The following TAF3 variants were observed in gnomAD, a reference collection of about 807,000 sequenced individuals.
TAF3 encodes TATA-box binding protein associated factor 3, also known as transcription initiation factor TFIID subunit 3.
TAF3 carries 7 observed loss-of-function variants against 80.6 expected under a neutral mutation model. That is an observed-to-expected ratio of 0.09 (90% CI 0.05 to 0.16). TAF3 has a LOEUF of 0.16. Ranked by LOEUF, TAF3 falls within the 10% of genes least tolerant of loss-of-function variation. TAF3 has a pLI of 1.00. For synonymous variants in TAF3, 444 were observed against 446.1 expected, an observed-to-expected ratio of 1.00 and a Z score of 0.06; for missense variants, 921 against 1,140.2, an observed-to-expected ratio of 0.81 and a Z score of 2.77.
intron 4 of TAF3, among the ~76,000 whole-genome samples, chr10:7,987,667 A>C (rs1831791706): frequency 6.6e-6 from 1 of 152,236 alleles, no homozygotes; most frequent in Non-Finnish European, 1.5e-5. Flanking sequence ...ATGAGGATGA[A>C]ATGACCCTAT....
intron 2 of TAF3, among the ~76,000 whole-genome samples, chr10:7,864,591 C>T (rs1156945358): frequency 1.4e-5 from 2 of 145,216 alleles, no homozygotes; most frequent in Admixed American, 6.8e-5. Context: ...TGTGTAGACT[C>T]GTGTTTTCAT....
intron 2 of TAF3, among the ~76,000 whole-genome samples, chr10:7,920,769 A>G (rs1351011312): frequency 5.3e-5 from 8 of 152,368 alleles, no homozygotes; most frequent in Non-Finnish European, 1.2e-4. Flanking sequence ...TTCTTGAAAT[A>G]AAGCTTATCT....
At chr10:7,856,813 G>C (rs989450495) in intron 2 of TAF3, among the ~76,000 whole-genome samples, 5 of 147,238 alleles carry the variant, frequency 3.4e-5, no homozygotes, top group African/African-American at 1.3e-4. Context: ...ACTTAAAGAC[G>C]GTCCCACTCA....
intron 2 of TAF3, among the ~76,000 whole-genome samples, chr10:7,844,467 C>G (rs1017084244): frequency 2.6e-5 from 4 of 151,362 alleles, no homozygotes; most frequent in Non-Finnish European, 4.4e-5. Flanking sequence ...ACCTCCGCCT[C>G]CTGGGTTCAA....
At chr10:7,951,269 A>G (rs1838079037) in intron 2 of TAF3, among the ~76,000 whole-genome samples, 1 of 152,262 alleles carries the variant, frequency 6.6e-6, no homozygotes, top group Non-Finnish European at 1.5e-5. Context: ...AGCTTAAAAC[A>G]GCAACCGTTT....
At chr10:8,010,169 C>A (rs767672441) in intron 5 of TAF3, among the ~76,000 whole-genome samples, 1 of 152,176 alleles carries the variant, frequency 6.6e-6, no homozygotes, top group Non-Finnish European at 1.5e-5. Context: ...TGCCTCCCAA[C>A]GTGCTGAGAT....
intron 2 of TAF3, among the ~76,000 whole-genome samples, chr10:7,911,526 G>C (rs950439802): frequency 6.6e-6 from 1 of 152,156 alleles, no homozygotes; most frequent in Non-Finnish European, 1.5e-5. Context: ...ACCTCGTGTC[G>C]TATTATTCTG....
intron 2 of TAF3, among the ~76,000 whole-genome samples, chr10:7,895,141 A>C (rs1440013655): frequency 1.3e-5 from 2 of 152,236 alleles, no homozygotes; most frequent in Non-Finnish European, 2.9e-5. Context: ...CTGGGATTAC[A>C]GTCTGCCTCT....
At chr10:7,946,099 G>A (rs1838021662) in intron 2 of TAF3, among the ~76,000 whole-genome samples, 1 of 152,130 alleles carries the variant, frequency 6.6e-6, no homozygotes. Flanking sequence ...TAACGTCACT[G>A]CATCCTCTAC....
At chr10:7,992,571 G>A (rs990167999) in intron 4 of TAF3, among the ~76,000 whole-genome samples, 2 of 148,906 alleles carry the variant, frequency 1.3e-5, no homozygotes, top group Non-Finnish European at 3.0e-5. Context: ...TTTAGAGTGA[G>A]TAAAATTTAG....
At chr10:8,011,169 A>G (rs1264419215) in intron 5 of TAF3, among the ~76,000 whole-genome samples, 1 of 152,198 alleles carries the variant, frequency 6.6e-6, no homozygotes, top group Non-Finnish European at 1.5e-5. Flanking sequence ...GTAACTAGCT[A>G]GGTACTAATA....
At chr10:7,887,096 G>A (rs775201781) in intron 2 of TAF3, among the ~76,000 whole-genome samples, 39 of 151,926 alleles carry the variant, frequency 2.6e-4, no homozygotes, top group Admixed American at 4.6e-4. Flanking sequence ...TTAGCCGGGC[G>A]TGGTGGCAGG....
At chr10:7,899,319 G>A (rs566157102) in intron 2 of TAF3, among the ~76,000 whole-genome samples, 1 of 152,144 alleles carries the variant, frequency 6.6e-6, no homozygotes. Flanking sequence ...TCGCTGCCTG[G>A]CTACTTGAGG....
chr10:7,875,943 G>C (rs1837308320), intron 2 of TAF3, among the ~76,000 whole-genome samples: 1 of 151,736 alleles, frequency 6.6e-6, no homozygotes, highest in Non-Finnish European at 1.5e-5. Context: ...CTCCAAACAA[G>C]TGATAGTAAT....
At chr10:7,935,309 A>G (rs1364986590) in intron 2 of TAF3, among the ~76,000 whole-genome samples, 1 of 151,614 alleles carries the variant, frequency 6.6e-6, no homozygotes, top group African/African-American at 2.4e-5. Context: ...TAGAAGAAAA[A>G]TAAAGCGGCC....
chr10:7,965,054 TG>T lies in TAF3; in HGVS notation c.1545del (p.Pro516LeufsTer6). The T allele has an allele frequency of 6.2e-7, 1 of 1,613,982 alleles. No individual in the cohort carries two copies. On this transcript the variant is annotated frameshift_variant, in exon 3 of 7. Transcript: ENST00000344293. LOFTEE classifies it high-confidence loss of function. ...LHKVYEEKTK[L>X]PSSVEVKKKL... ...AAGGTGTATGAGGAGAAAACCAAGC[TG>T]CCTTCCTCCGTGGAGGTAAAGAAGA...
chr10:7,834,039 C>CT (rs151193212), intron 2 of TAF3: 278 of 182,060 alleles, frequency 1.5e-3, no homozygotes, highest in Middle Eastern at 4.6e-3. Context: ...TATATTTTGC[C>CT]TTTTTTTTTG....
Position 7,963,917 on chromosome 10 carries a change from CAGA to C in TAF3, c.420_422del (p.Glu141del). Reference sequence around the variant, plus strand: ...TTTTTCTTCCTTTTTCTTCCTTTACCAGAAGAAGAAGAAGAGCAGGTGCCCACT... The same window carrying C: ...TTTTTCTTCCTTTTTCTTCCTTTACCAGAAGAAGAAGAGCAGGTGCCCACT... On this transcript the variant is annotated splice_acceptor_variant and coding_sequence_variant, in exon 3 of 7. Coordinates refer to ENST00000344293, the MANE Select transcript of TAF3 (RefSeq NM_031923.4). LOFTEE classifies it high-confidence loss of function. 3.0e-4 allele frequency: 463 copies of C among 1,528,210 alleles called. No homozygotes were observed. The highest frequency in any genetic ancestry group is 1.2e-3 in the South Asian group (90 of 74,938). 94.7% of individuals were successfully genotyped at this position (1,528,210 alleles called of 1,614,324 possible). A position where few individuals can be genotyped will look rare whatever the true frequency, so the allele number is the denominator to read the frequency against.
chr10:7,951,187 A>G (rs953723655), intron 2 of TAF3, among the ~76,000 whole-genome samples: 1 of 152,256 alleles, frequency 6.6e-6, no homozygotes, highest in Admixed American at 6.5e-5. Context: ...GCAAATAACA[A>G]GTGACAGTAT....
Sources: allele counts gnomAD v4.1 joint callset (sites outside exome capture counted in the v4.1 genomes callset), GRCh38; gene constraint gnomAD v4.1.1; transcripts MANE v1.5; gene names NCBI Gene and HGNC (gene_info 2026-07-23, HGNC 2026-07-21).